Variants in PPP2R2C observed in about 807,000 individuals in gnomAD.
PPP2R2C encodes the protein protein phosphatase 2 regulatory subunit Bgamma.
PPP2R2C carries 10 observed loss-of-function variants against 45.3 expected under a neutral mutation model. That is an observed-to-expected ratio of 0.22 (90% CI 0.14 to 0.37). The LOEUF is 0.37. Ranked by LOEUF, PPP2R2C falls within the 10% of genes least tolerant of loss-of-function variation. PPP2R2C has a pLI of 1.00. For synonymous variants in PPP2R2C, 257 were observed against 245.4 expected (o/e 1.05, Z -0.44); for missense variants, 308 against 619.7 (o/e 0.50, Z 5.34).
At chr4:6,372,767 T>C in intron 4 of PPP2R2C, 67 bp from the exon 5 acceptor site, 1 of 1,503,152 alleles carries the variant, frequency 6.7e-7, no homozygotes, top group Non-Finnish European at 9.2e-7. Context: ...TAGCATGCCG[T>C]GAGCATGTGA....
chr4:6,351,443 G>A (rs773512654), intron 5 of PPP2R2C: 19 of 789,126 alleles, frequency 2.4e-5, no homozygotes, highest in South Asian at 5.8e-5. Flanking sequence ...ACACTCAATC[G>A]AGCACCCCAT....
chr4:6,453,106 G>A (rs899664308), intron 1 of PPP2R2C, among the ~76,000 whole-genome samples: 2 of 152,144 alleles, frequency 1.3e-5, no homozygotes, highest in African/African-American at 4.8e-5. Context: ...AGCAGGTGCG[G>A]GGCCGTTCCT....
chr4:6,441,031 G>A (rs968719763), intron 1 of PPP2R2C, among the ~76,000 whole-genome samples: 1 of 152,080 alleles, frequency 6.6e-6, no homozygotes, highest in South Asian at 2.1e-4. Flanking sequence ...GGAGGGAGCT[G>A]GGGTATTTAT....
chr4:6,410,839 T>C (rs934050982), intron 1 of PPP2R2C, among the ~76,000 whole-genome samples: 174 of 135,822 alleles, frequency 1.3e-3, no homozygotes, highest in African/African-American at 4.4e-3. Context: ...CTATTCCCCC[T>C]GTTTTATTTA....
intron 2 of PPP2R2C, among the ~76,000 whole-genome samples, chr4:6,516,520 G>A (rs778379743): frequency 7.2e-5 from 11 of 152,162 alleles, no homozygotes; most frequent in Non-Finnish European, 1.3e-4. Context: ...CAGGCCATCC[G>A]TCCATCTGTC....
At chr4:6,343,396 T>C (rs1733599056) in intron 6 of PPP2R2C, among the ~76,000 whole-genome samples, 1 of 152,230 alleles carries the variant, frequency 6.6e-6, no homozygotes, top group Admixed American at 6.5e-5. Context: ...AAATTTTAAA[T>C]AAAATTTGCA....
Position 6,324,727 on chromosome 4 carries a change from C to G in PPP2R2C, c.1053-1134G>C, listed in dbSNP as rs1414686139. Among the ~76,000 whole-genome samples the G allele has an allele frequency of 6.6e-6, 1 of 152,232 alleles. No homozygotes were observed. The highest frequency in any genetic ancestry group is 1.5e-5 in the Non-Finnish European group (1 of 68,046). On this transcript the variant is annotated intron_variant, in intron 8 of 8. Coordinates refer to ENST00000382599, the MANE Select transcript of PPP2R2C (RefSeq NM_020416.4). This position sits in a 1 kb window ranked among gnomAD's most constrained non-coding sequence, Gnocchi z 4.1. ...AATTCCACACCATTTCTCTGCTCTCCCTGCTCCTAAGGAGAAGGGGTTCCT... is the reference window on the plus strand; with the variant it reads ...AATTCCACACCATTTCTCTGCTCTCGCTGCTCCTAAGGAGAAGGGGTTCCT...
In PPP2R2C at chr4:6,427,843, C is replaced by T. The variant is rs138675715; in HGVS notation, c.70+44317G>A. On this transcript the variant is annotated intron_variant, in intron 1 of 8. Transcript: ENST00000382599. ...CATGAGGTGTAGAGGTAGATGGCTG[C>T]GGGTATCAGGTCTGCACAGCCACCG... Among the ~76,000 whole-genome samples, 1,226 of 152,218 alleles carry T rather than the reference C, an allele frequency of 8.1e-3. 20 individuals carry two copies. The highest frequency in any genetic ancestry group is 0.028 in the African/African-American group (1,147 of 41,522).
intron 1 of PPP2R2C, among the ~76,000 whole-genome samples, chr4:6,544,012 G>A (rs1200600680): frequency 1.3e-5 from 2 of 152,170 alleles, no homozygotes; most frequent in African/African-American, 4.8e-5. Context: ...CAAGTCCCCA[G>A]AGTGGACTGC....
At chr4:6,405,343 C>T (rs1717723667) in intron 1 of PPP2R2C, among the ~76,000 whole-genome samples, 1 of 152,216 alleles carries the variant, frequency 6.6e-6, no homozygotes, top group Non-Finnish European at 1.5e-5. Flanking sequence ...GAACAGGAAG[C>T]TCAGTGCCCT....
intron 1 of PPP2R2C, among the ~76,000 whole-genome samples, chr4:6,550,802 T>C (rs936820090): frequency 1.3e-5 from 2 of 152,196 alleles, no homozygotes; most frequent in Non-Finnish European, 2.9e-5. Context: ...CAGGCCACCA[T>C]GCCCAGCTAA....
At chr4:6,558,928 C>A (rs983200668) in intron 1 of PPP2R2C, among the ~76,000 whole-genome samples, 3 of 152,186 alleles carry the variant, frequency 2.0e-5, no homozygotes, top group African/African-American at 7.2e-5. Context: ...CTCACAGGTG[C>A]CCATCCTGGG....
intron 1 of PPP2R2C, among the ~76,000 whole-genome samples, chr4:6,402,987 C>G (rs7661778): frequency 6.6e-6 from 1 of 152,098 alleles, no homozygotes; most frequent in Admixed American, 6.5e-5. Context: ...AGGCTCTGCA[C>G]GTCTCCCGGC....
At chr4:6,480,866 G>A (rs955246666) in intron 2 of PPP2R2C, among the ~76,000 whole-genome samples, 12 of 152,240 alleles carry the variant, frequency 7.9e-5, no homozygotes, top group Admixed American at 2.0e-4. Flanking sequence ...ATGGGTGAAC[G>A]GGTATGTGAT....
At chr4:6,546,749 C>T (rs2108836390) in intron 1 of PPP2R2C, among the ~76,000 whole-genome samples, 1 of 152,358 alleles carries the variant, frequency 6.6e-6, no homozygotes, top group South Asian at 2.1e-4. Flanking sequence ...CCATCATGTG[C>T]TCCACCCGCT....
rs554923416 is a variant in PPP2R2C at position 6,390,010 on chromosome 4, G to A, written c.71-8916C>T. Among the ~76,000 whole-genome samples the A allele has an allele frequency of 5.3e-5, 8 of 152,260 alleles. No homozygotes were observed. The East Asian group carries it at 1.5e-3, about 29-fold the overall frequency. The stretch of plus-strand genomic sequence containing the variant: ...GAGCAGACGCCCCACCCACGTCTAT[G>A]AAAGAGACCCTCAAAAGGCCCAAAA... On this transcript the variant is annotated intron_variant, in intron 1 of 8. Coordinates refer to ENST00000382599, the MANE Select transcript of PPP2R2C (RefSeq NM_020416.4).
chr4:6,426,569 G>A (rs4689003), intron 1 of PPP2R2C, among the ~76,000 whole-genome samples: 104,628 of 152,098 alleles, frequency 0.69, 38,747 homozygotes, highest in Non-Finnish European at 0.83. Flanking sequence ...TGTGGTCCTT[G>A]TATTTCAGAC....
intron 2 of PPP2R2C, among the ~76,000 whole-genome samples, chr4:6,520,036 C>T (rs898674924): frequency 4.6e-5 from 7 of 152,172 alleles, no homozygotes; most frequent in Admixed American, 1.3e-4. Flanking sequence ...AGTGACAGGA[C>T]GGGCTGGGTG....
chr4:6,350,560 G>T (rs953525870), intron 5 of PPP2R2C: 2 of 985,336 alleles, frequency 2.0e-6, no homozygotes, highest in Non-Finnish European at 2.4e-6. Context: ...CATTCTCGTT[G>T]TATTTCCTGG....
Sources: gnomAD v4.1 joint callset for allele counts (sites outside exome capture counted in the v4.1 genomes callset) on GRCh38, gnomAD v4.1.1 for gene constraint, Gnocchi (gnomAD v3.1) non-coding constraint, MANE v1.5 for transcripts, NCBI Gene and HGNC (gene_info 2026-07-23, HGNC 2026-07-21) for gene names.